The following ZBTB20 variants were observed in gnomAD, a reference collection of about 807,000 sequenced individuals.
ZBTB20 encodes zinc finger and BTB domain-containing protein 20.
In ZBTB20, 9 loss-of-function variants were observed where a neutral mutation model predicts 56.9. That is an observed-to-expected ratio of 0.16 (90% CI 0.10 to 0.28). The LOEUF (loss-of-function observed/expected upper bound fraction) is 0.28. ZBTB20 is among the 10% of genes least tolerant of loss of function. The pLI is 1.00. For missense variants in ZBTB20, 655 were observed against 1,003.0 expected, an observed-to-expected ratio of 0.65 and a Z score of 4.69; for synonymous variants, 417 against 420.7, an observed-to-expected ratio of 0.99 and a Z score of 0.11.
At chr3:114,814,271 T>G (rs540775689) in intron 4 of ZBTB20, among the ~76,000 whole-genome samples, 2 of 149,282 alleles carry the variant, frequency 1.3e-5, no homozygotes, top group East Asian at 1.9e-4. Context: ...GTCATTTATA[T>G]TTATATAAAT....
intron 7 of ZBTB20, among the ~76,000 whole-genome samples, chr3:114,487,385 C>T (rs1436505053): frequency 6.6e-6 from 1 of 152,180 alleles, no homozygotes; most frequent in Non-Finnish European, 1.5e-5. Flanking sequence ...TTCTCCTTAG[C>T]TTGTAGTTGG....
chr3:114,913,634 G>T (rs1008160292), intron 3 of ZBTB20, among the ~76,000 whole-genome samples: 1 of 150,560 alleles, frequency 6.6e-6, no homozygotes, highest in Non-Finnish European at 1.5e-5. Flanking sequence ...GTGCTTATGG[G>T]GTATTAAGAA....
At chr3:114,439,994 A>G (rs1249228796) in intron 7 of ZBTB20, among the ~76,000 whole-genome samples, 3 of 152,152 alleles carry the variant, frequency 2.0e-5, no homozygotes, top group Non-Finnish European at 2.9e-5. Flanking sequence ...CTCTATAATC[A>G]TGCTTAGATT....
intron 2 of ZBTB20, among the ~76,000 whole-genome samples, chr3:115,017,900 T>A (rs997482753): frequency 4.0e-5 from 6 of 151,558 alleles, no homozygotes; most frequent in African/African-American, 1.2e-4. Flanking sequence ...CACAAATATA[T>A]GAATATTTAC....
chr3:114,752,940 A>T (rs989015479), intron 5 of ZBTB20, among the ~76,000 whole-genome samples: 12 of 152,164 alleles, frequency 7.9e-5, no homozygotes, highest in African/African-American at 2.9e-4. Flanking sequence ...CACCAGAACA[A>T]GCACAAAAGA....
chr3:115,059,862 T>A (rs537107894), intron 2 of ZBTB20, among the ~76,000 whole-genome samples: 1 of 152,302 alleles, frequency 6.6e-6, no homozygotes, highest in South Asian at 2.1e-4. Context: ...GTCATACAAA[T>A]TTCAGGGCTT....
At chr3:114,396,802 T>C (rs1209279009) in intron 7 of ZBTB20, among the ~76,000 whole-genome samples, 1 of 152,166 alleles carries the variant, frequency 6.6e-6, no homozygotes, top group Admixed American at 6.6e-5. Flanking sequence ...TGATTTATGT[T>C]TTCCCTCCCT....
intron 6 of ZBTB20, among the ~76,000 whole-genome samples, chr3:114,602,517 C>A (rs1560021266): frequency 6.6e-6 from 1 of 151,918 alleles, no homozygotes; most frequent in Non-Finnish European, 1.5e-5. Flanking sequence ...CTCTAGTGGA[C>A]TTACTGACTT....
intron 10 of ZBTB20, among the ~76,000 whole-genome samples, chr3:114,363,037 G>C (rs1466674041): frequency 1.3e-5 from 2 of 152,150 alleles, no homozygotes; most frequent in Non-Finnish European, 2.9e-5. Flanking sequence ...AAGGTCACTG[G>C]AGAGAATAAA....
intron 5 of ZBTB20, among the ~76,000 whole-genome samples, chr3:114,766,452 T>C: frequency 6.6e-6 from 1 of 151,614 alleles, no homozygotes; most frequent in South Asian, 2.1e-4. Flanking sequence ...GACTGTACCT[T>C]GATTTTTCTT....
chr3:114,521,542 C>T (rs1397046265), intron 6 of ZBTB20, among the ~76,000 whole-genome samples: 1 of 152,050 alleles, frequency 6.6e-6, no homozygotes, highest in Non-Finnish European at 1.5e-5. Context: ...ACATTTCTAC[C>T]TCTCTCATCC....
chr3:114,316,465 T>C lies in ZBTB20; in HGVS notation c.*22540A>G. The stretch of plus-strand genomic sequence containing the variant: ...TCTGATTTTGTTATGTGCATGTGTG[T>C]ATATATGCACATATACACACCTATA... On this transcript the variant is annotated 3_prime_UTR_variant, in exon 12 of 12. Transcript: ENST00000675478. The C allele has an allele frequency of 2.0e-6, 1 of 495,442 alleles. No homozygotes were observed. The highest frequency in any genetic ancestry group is 1.5e-5 in the South Asian group (1 of 66,944). The allele number at this position is 495,442 out of a possible 1,614,324, so 30.7% of individuals were successfully genotyped here.
chr3:114,456,389 A>G (rs184804988), intron 7 of ZBTB20, among the ~76,000 whole-genome samples: 6 of 152,228 alleles, frequency 3.9e-5, no homozygotes, highest in Admixed American at 6.5e-5. Flanking sequence ...CAAAGACCTC[A>G]CCCTGAATTT....
At chr3:114,764,733 A>C (rs1289857036) in intron 5 of ZBTB20, among the ~76,000 whole-genome samples, 1 of 152,158 alleles carries the variant, frequency 6.6e-6, no homozygotes, top group Non-Finnish European at 1.5e-5. Context: ...ATATTTCTTT[A>C]GTTTTCTGTA....
intron 1 of ZBTB20, among the ~76,000 whole-genome samples, chr3:115,132,084 T>G (rs1027211123): frequency 6.6e-6 from 1 of 152,194 alleles, no homozygotes; most frequent in East Asian, 1.9e-4. Flanking sequence ...GAAAAAAAAA[T>G]CTCCCAAGAT....
rs983661709 is a variant in ZBTB20, at chr3:114,953,620, C to T, written c.-456+20746G>A. On this transcript the variant is annotated intron_variant, in intron 3 of 11. Coordinates refer to ENST00000675478, the MANE Select transcript of ZBTB20 (RefSeq NM_001348800.3). Reference sequence around the variant, plus strand: ...AGAAACCTGCCAGTGATACAAAGGACATCATATAATGTTGAAGAGTTAATT... The same window carrying T: ...AGAAACCTGCCAGTGATACAAAGGATATCATATAATGTTGAAGAGTTAATT... 3.3e-5 allele frequency among the ~76,000 whole-genome samples: 5 copies of T among 151,826 alleles called. No homozygotes were observed. In the South Asian group the frequency reaches 6.2e-4, roughly 19 times the overall value.
intron 6 of ZBTB20, among the ~76,000 whole-genome samples, chr3:114,561,014 CT>C (rs2051963607): frequency 6.6e-6 from 1 of 152,184 alleles, no homozygotes; most frequent in Admixed American, 6.5e-5. Context: ...TTCACAGAAT[CT>C]TTACCAGGAG....
At chr3:114,585,769 C>T (rs2107521112) in intron 6 of ZBTB20, among the ~76,000 whole-genome samples, 1 of 152,292 alleles carries the variant, frequency 6.6e-6, no homozygotes, top group Non-Finnish European at 1.5e-5. Context: ...TGGCAGCCTG[C>T]TAAAAGCAGC....
chr3:114,731,642 T>C (rs1004783654), intron 5 of ZBTB20, among the ~76,000 whole-genome samples: 9 of 152,190 alleles, frequency 5.9e-5, no homozygotes, highest in Admixed American at 5.9e-4. Flanking sequence ...AATCAACCAG[T>C]TACTAATCCA....
Sources: gnomAD v4.1 joint callset for allele counts (sites outside exome capture counted in the v4.1 genomes callset) on GRCh38, gnomAD v4.1.1 for gene constraint, MANE v1.5 for transcripts, NCBI Gene and HGNC (gene_info 2026-07-23, HGNC 2026-07-21) for gene names.